Variants in TNIK observed in about 807,000 individuals in gnomAD.
TNIK encodes TRAF2 and NCK interacting kinase.
TNIK carries 49 observed loss-of-function variants against 191.3 expected under a neutral mutation model. The observed-to-expected ratio is 0.26, with a 90% CI of 0.20 to 0.32. The LOEUF (loss-of-function observed/expected upper bound fraction) is 0.32. TNIK is among the 10% of genes least tolerant of loss of function. The pLI is 1.00. For synonymous variants in TNIK, 594 were observed against 600.9 expected, an observed-to-expected ratio of 0.99 and a Z score of 0.17; for missense variants, 1,155 against 1,702.3, an observed-to-expected ratio of 0.68 and a Z score of 5.66.
In TNIK at chr3:171,362,826, T is replaced by G. The variant is rs572318542; in HGVS notation, c.123+6794A>C. ...CTCAGGCAGTCCTGCTCCAAAGTCC[T>G]TTTCATTATACTCTTTCCACTTATA... On this transcript the variant is annotated intron_variant, in intron 2 of 32. Transcript: ENST00000436636. Among the ~76,000 whole-genome samples, 23 of 152,294 alleles carry G rather than the reference T, an allele frequency of 1.5e-4. 1 individual carries two copies. Among genetic ancestry groups the G allele is most frequent in the African/African-American group, 5.5e-4 (23 of 41,560 alleles).
intron 2 of TNIK, among the ~76,000 whole-genome samples, chr3:171,304,985 G>A (rs2108281828): frequency 7.2e-6 from 1 of 138,972 alleles, no homozygotes; most frequent in East Asian, 2.1e-4. Flanking sequence ...TTGTGTACAT[G>A]TACCCTAAAA....
chr3:171,385,129 T>A lies in TNIK; in HGVS notation c.58-15444A>T, dbSNP rs1208304951. On this transcript the variant is annotated intron_variant, in intron 1 of 32. Coordinates refer to ENST00000436636, the MANE Select transcript of TNIK (RefSeq NM_015028.4). ...CAAAACGGTACATTAAGGCCACTGG[T>A]TTGAGGATGGAGTTTTAGTGGAAAG... is the stretch of plus-strand genomic sequence containing the variant. 2.0e-5 allele frequency among the ~76,000 whole-genome samples: 3 copies of A among 151,692 alleles called. No individual in the cohort carries two copies. In the East Asian group the frequency reaches 5.8e-4, roughly 29 times the overall value.
chr3:171,391,111 T>C (rs1467480374), intron 1 of TNIK, among the ~76,000 whole-genome samples: 1 of 152,342 alleles, frequency 6.6e-6, no homozygotes. Context: ...TCCCAGAGGA[T>C]GCATCTACCA....
chr3:171,213,339 C>T (rs1741077494), intron 3 of TNIK, among the ~76,000 whole-genome samples: 1 of 152,134 alleles, frequency 6.6e-6, no homozygotes, highest in South Asian at 2.1e-4. Flanking sequence ...GGCAGCACAG[C>T]ATCGACAGCT....
At chr3:171,416,451 A>G (rs1321547361) in intron 1 of TNIK, among the ~76,000 whole-genome samples, 1 of 152,040 alleles carries the variant, frequency 6.6e-6, no homozygotes, top group East Asian at 1.9e-4. Flanking sequence ...TACTAGATTA[A>G]GAAAAAAAGA....
intron 2 of TNIK, among the ~76,000 whole-genome samples, chr3:171,334,611 G>T (rs190681983): frequency 6.6e-6 from 1 of 152,254 alleles, no homozygotes; most frequent in African/African-American, 2.4e-5. Flanking sequence ...GGCTCATTCC[G>T]TTTTCCTTCT....
intron 2 of TNIK, among the ~76,000 whole-genome samples, chr3:171,351,271 A>G (rs58506334): frequency 0.59 from 88,762 of 149,976 alleles, 27,577 homozygotes; most frequent in East Asian, 0.97. Context: ...ATATGTATAT[A>G]TGTGTGTGTG....
intron 6 of TNIK, among the ~76,000 whole-genome samples, chr3:171,190,146 C>T (rs149490389): frequency 0.01 from 1,532 of 152,234 alleles, 11 homozygotes; most frequent in South Asian, 0.037. Context: ...GCGGAAAGAG[C>T]TCTAACAGAT....
At chr3:171,295,825 G>A (rs962197019) in intron 2 of TNIK, among the ~76,000 whole-genome samples, 3 of 152,136 alleles carry the variant, frequency 2.0e-5, no homozygotes, top group South Asian at 2.1e-4. Flanking sequence ...CTGTTCCTCC[G>A]TGGCCACCCC....
At chr3:171,150,456 T>C (rs1176133142) in intron 12 of TNIK, among the ~76,000 whole-genome samples, 1 of 152,198 alleles carries the variant, frequency 6.6e-6, no homozygotes, top group Non-Finnish European at 1.5e-5. Flanking sequence ...ACTATTTCCC[T>C]GATGCAAGAA....
At chr3:171,446,773 C>T (rs1470617682) in intron 1 of TNIK, among the ~76,000 whole-genome samples, 3 of 152,204 alleles carry the variant, frequency 2.0e-5, no homozygotes, top group African/African-American at 4.8e-5. Flanking sequence ...GCTCACCTTG[C>T]TATCTTCTAT....
rs767743913 is a variant in TNIK, at chr3:171,138,250, G to C, written c.1549C>G (p.Pro517Ala). ...ATTCCTTCTTTGTAATGGTACAGTG[G>C]CTTCTTCTCCACAGGCCTCTGCTCC... The part of the protein sequence containing the change: ...RQEQRPVEKK[P>A]LYHYKEGMSP... Residue 517 changes from proline (P) to alanine (A), a missense_variant, in exon 15 of 33, where the codon CCA (proline) becomes GCA (alanine). This residue lies in a region of TNIK where 735 missense variants were observed against 848.0 expected (regional missense o/e 0.87). Coordinates refer to ENST00000436636, the MANE Select transcript of TNIK (RefSeq NM_015028.4). 1.9e-6 allele frequency: 3 copies of C among 1,613,610 alleles called. No individual in the cohort carries two copies. Among genetic ancestry groups the C allele is most frequent in the Admixed American group, 3.3e-5 (2 of 59,936 alleles).
intron 15 of TNIK, among the ~76,000 whole-genome samples, chr3:171,131,286 C>T (rs1465845145): frequency 1.6e-5 from 2 of 126,700 alleles, no homozygotes; most frequent in East Asian, 2.5e-4. Flanking sequence ...TGCAGTGAGC[C>T]GAGATCGCGC....
chr3:171,334,183 T>C (rs1489426371), intron 2 of TNIK, among the ~76,000 whole-genome samples: 1 of 151,754 alleles, frequency 6.6e-6, no homozygotes, highest in Non-Finnish European at 1.5e-5. Flanking sequence ...GAAAGAAGGG[T>C]TTTAAGAACT....
chr3:171,232,897 A>G lies in TNIK; in HGVS notation c.124-4676T>C, dbSNP rs371821924. On this transcript the variant is annotated intron_variant, in intron 2 of 32. Transcript: ENST00000436636. The stretch of plus-strand genomic sequence containing the variant: ...TCAACTCCTCCCTAAAATGAATGCA[A>G]GAGAAAACAACAGTTTTGTTTTAAC... 4.6e-5 allele frequency among the ~76,000 whole-genome samples: 7 copies of G among 152,350 alleles called. No individual in the cohort carries two copies. The East Asian group carries it at 7.7e-4, about 17-fold the overall frequency.
At chr3:171,301,400 C>T (rs891428569) in intron 2 of TNIK, among the ~76,000 whole-genome samples, 1 of 151,694 alleles carries the variant, frequency 6.6e-6, no homozygotes, top group Non-Finnish European at 1.5e-5. Flanking sequence ...CTGCAACCTC[C>T]ACCTCCTGGG....
At chr3:171,455,533 G>C (rs903625756) in intron 1 of TNIK, among the ~76,000 whole-genome samples, 1 of 151,978 alleles carries the variant, frequency 6.6e-6, no homozygotes, top group African/African-American at 2.4e-5. Context: ...GAGCCACTGT[G>C]CCCAGGAAAG....
chr3:171,373,413 C>T (rs2108501550), intron 1 of TNIK, among the ~76,000 whole-genome samples: 1 of 152,238 alleles, frequency 6.6e-6, no homozygotes, highest in African/African-American at 2.4e-5. Context: ...TCCACCACTC[C>T]CCTAATTTTG....
At chr3:171,232,943 TG>T (rs1743840033) in intron 2 of TNIK, among the ~76,000 whole-genome samples, 1 of 152,238 alleles carries the variant, frequency 6.6e-6, no homozygotes, top group Non-Finnish European at 1.5e-5. Context: ...GCTTCACTTT[TG>T]TTATTGTTGT....
Sources: gnomAD v4.1 joint callset for allele counts (sites outside exome capture counted in the v4.1 genomes callset) on GRCh38, gnomAD v4.1.1 for gene constraint, gnomAD v4.1.1 regional missense constraint, MANE v1.5 for transcripts, NCBI Gene and HGNC (gene_info 2026-07-23, HGNC 2026-07-21) for gene names.